The following KLKB1 variants were observed in gnomAD, a reference collection of about 807,000 sequenced individuals.
KLKB1 encodes the protein plasma kallikrein.
KLKB1 carries 58 observed loss-of-function variants against 73.6 expected under a neutral mutation model. The ratio of observed to expected loss-of-function variants is 0.79; its 90% CI spans 0.64 to 0.98. KLKB1 has a LOEUF of 0.98. Among genes scored for constraint, KLKB1 ranks in the 50% least tolerant of loss-of-function variants. The probability of loss-of-function intolerance (pLI) is 0.00; values close to 1 mark genes in which losing one functional copy is unlikely to be tolerated. For synonymous variants in KLKB1, 280 were observed against 258.1 expected (o/e 1.08, Z -0.81); for missense variants, 737 against 763.8 (o/e 0.96, Z 0.41).
chr4:186,251,378 CTT>C lies in KLKB1; in HGVS notation c.868+53_868+54del, dbSNP rs781621455. 332 of 1,511,420 alleles carry C rather than the reference CTT, an allele frequency of 2.2e-4. 1 individual carries two copies. Among genetic ancestry groups the C allele is most frequent in the Non-Finnish European group, 6.1e-5 (66 of 1,086,586 alleles). The allele number at this position is 1,511,420 out of a possible 1,614,324, so 93.6% of individuals were successfully genotyped here. On this transcript the variant is annotated intron_variant, in intron 8 of 14. Coordinates refer to ENST00000264690, the MANE Select transcript of KLKB1 (RefSeq NM_000892.5). ...ACATAAAATGTAACCTATTTCATGA[CTT>C]TTAACAGCAACAGTGATGAAACAAT... is the stretch of plus-strand genomic sequence containing the variant.
At chr4:186,255,940 C>A in intron 12 of KLKB1, 52 bp from the exon 13 acceptor site, 1 of 1,057,172 alleles carries the variant, frequency 9.5e-7, no homozygotes, top group Non-Finnish European at 1.5e-6. Flanking sequence ...TTTTTAAAGT[C>A]TATATCCATA....
Position 186,251,488 on chromosome 4 carries a change from A to T in KLKB1, c.870A>T (p.Glu290Asp). The T allele has an allele frequency of 1.2e-6, 2 of 1,613,588 alleles. No individual in the cohort carries two copies. Among genetic ancestry groups the T allele is most frequent in the South Asian group, 1.1e-5 (1 of 91,076 alleles). ...TTTTTGTGTTTATAATTGACACAGA[A>T]CCCTGCCATTCTAAAATTTACCCGG... ...SLLTCKRTLP[E>D]PCHSKIYPGV... Residue 290 changes from glutamate (E) to aspartate (D), a missense_variant and splice_region_variant, in exon 9 of 15, where the codon GAA becomes GAT. By Grantham distance (45) the Glu-to-Asp change is conservative. Coordinates refer to ENST00000264690, the MANE Select transcript of KLKB1 (RefSeq NM_000892.5).
At chr4:186,235,843 C>T (rs1225325312) in intron 4 of KLKB1, among the ~76,000 whole-genome samples, 6 of 151,826 alleles carry the variant, frequency 4.0e-5, no homozygotes, top group African/African-American at 9.7e-5. Context: ...AGGCCGGGCG[C>T]GGTGGCTCAC....
At chr4:186,235,943 G>A (rs1292522278) in intron 4 of KLKB1, among the ~76,000 whole-genome samples, 2 of 151,830 alleles carry the variant, frequency 1.3e-5, no homozygotes, top group South Asian at 2.1e-4. Flanking sequence ...GTGAAACCCC[G>A]TCTCTACTAA....
intron 6 of KLKB1, 120 bp from the exon 7 acceptor site, chr4:186,250,123 A>G (rs761843988): frequency 4.4e-5 from 46 of 1,037,762 alleles, no homozygotes; most frequent in Non-Finnish European, 6.6e-5. Context: ...TTTTTCACTT[A>G]GGATGTTTAG....
intron 6 of KLKB1, among the ~76,000 whole-genome samples, chr4:186,241,577 A>C (rs2126648825): frequency 6.6e-6 from 1 of 152,380 alleles, no homozygotes; most frequent in African/African-American, 2.4e-5. Context: ...TAATTTAACA[A>C]AACCATTTGC....
intron 6 of KLKB1, among the ~76,000 whole-genome samples, chr4:186,241,623 T>C (rs1464726893): frequency 6.6e-6 from 1 of 152,182 alleles, no homozygotes. Context: ...ATGTGACTTA[T>C]TAATTTATCA....
chr4:186,232,379 C>T lies in KLKB1; in HGVS notation c.221+90C>T. The T allele has an allele frequency of 2.4e-6, 3 of 1,230,302 alleles. 1 individual carries two copies. The Middle Eastern group carries it at 5.9e-4, about 240-fold the overall frequency. The allele number at this position is 1,230,302 out of a possible 1,614,324, so 76.2% of individuals were successfully genotyped here. On this transcript the variant is annotated intron_variant, in intron 3 of 14. Coordinates refer to ENST00000264690, the MANE Select transcript of KLKB1 (RefSeq NM_000892.5). ...AGGTGTAGTATAACTGAGAGTTCTT[C>T]CTCACACGGGGTTCAAGGACCAGCT... is the stretch of plus-strand genomic sequence containing the variant.
rs747716379 is a variant in KLKB1, at chr4:186,251,799, C to A, written c.1082C>A (p.Ala361Glu). 4 of 1,613,960 alleles carry A rather than the reference C, an allele frequency of 2.5e-6. No individual in the cohort carries two copies. In the Admixed American group the frequency reaches 6.7e-5, roughly 27 times the overall value. Residue 361 changes from alanine to glutamate, a missense_variant, in exon 10 of 15, where the codon GCG (alanine) becomes GAG (glutamate). By Grantham distance (107) the Ala-to-Glu change is moderately radical (BLOSUM62 -1). Transcript: ENST00000264690. ...ATGGATGGTTCTCCAACTAGGATTG[C>A]GTATGGGACACAAGGGAGCTCTGGT... ...LSMDGSPTRI[A>E]YGTQGSSGYS...
At chr4:186,256,801 G>C (rs1739013962) in intron 13 of KLKB1, among the ~76,000 whole-genome samples, 1 of 152,118 alleles carries the variant, frequency 6.6e-6, no homozygotes, top group Non-Finnish European at 1.5e-5. Context: ...GAACTTCCAG[G>C]CTTTGGATTG....
chr4:186,256,989 CTCTCTCTCTCTG>C (rs1739030020), intron 13 of KLKB1, among the ~76,000 whole-genome samples: 1 of 124,444 alleles, frequency 8.0e-6, no homozygotes, highest in Non-Finnish European at 1.6e-5. Flanking sequence ...CTCTCTCTGT[CTCTCTCTCTCTG>C]TGTGTGTGTG....
At chr4:186,221,027 A>G (rs1737021602) in intron 2 of KLKB1, among the ~76,000 whole-genome samples, 1 of 152,068 alleles carries the variant, frequency 6.6e-6, no homozygotes, top group African/African-American at 2.4e-5. Flanking sequence ...TTCCTGATTC[A>G]GTCTTGGTAG....
rs1554080064 is a variant in KLKB1 at position 186,257,777 on chromosome 4, G to GTGTC, written c.1726-241_1726-238dup. 1.7e-3 allele frequency among the ~76,000 whole-genome samples: 245 copies of GTGTC among 148,268 alleles called. 1 individual carries two copies. The highest frequency in any genetic ancestry group is 5.7e-3 in the African/African-American group (232 of 40,650). On this transcript the variant is annotated intron_variant, in intron 14 of 14. Transcript: ENST00000264690. ...TGTGTGTGTGTGTGTGTGTGTGTGT[G>GTGTC]TGTCTGGCAAGCAAGGTCTTGCACA...
At chr4:186,216,396 C>T (rs1200258676) in intron 2 of KLKB1, among the ~76,000 whole-genome samples, 5 of 152,084 alleles carry the variant, frequency 3.3e-5, no homozygotes, top group African/African-American at 7.2e-5. Flanking sequence ...AAGGAGGTAA[C>T]AGAATGGCAG....
In KLKB1 at chr4:186,232,170, G is replaced by A. The variant is rs1208980992; in HGVS notation, c.102G>A (p.Gly34=). ...QLYENAFFRG[G]DVASMYTPNA... ...ATGAAAACGCCTTCTTCAGAGGTGG[G>A]GATGTAGCTTCCATGTACACCCCAA... Residue 34 remains glycine (G), a synonymous_variant, in exon 3 of 15, where the codon GGG becomes GGA. Coordinates refer to ENST00000264690, the MANE Select transcript of KLKB1 (RefSeq NM_000892.5). The A allele has an allele frequency of 6.2e-7, 1 of 1,613,928 alleles. No individual in the cohort carries two copies. Among genetic ancestry groups the A allele is most frequent in the Non-Finnish European group, 8.5e-7 (1 of 1,179,852 alleles).
rs556420795 is a variant in KLKB1, at chr4:186,248,175, G to A, written c.599-2068G>A. 4.1e-3 allele frequency among the ~76,000 whole-genome samples: 624 copies of A among 152,110 alleles called. 5 individuals carry two copies. Among genetic ancestry groups the A allele is most frequent in the Non-Finnish European group, 7.5e-3 (511 of 68,016 alleles). Reference sequence around the variant, plus strand: ...AGGCAGGAGAATGGCCTGAACCCAGGAAGCGGAGCTTGCAGTGAGCCAAGA... The same window carrying A: ...AGGCAGGAGAATGGCCTGAACCCAGAAAGCGGAGCTTGCAGTGAGCCAAGA... On this transcript the variant is annotated intron_variant, in intron 6 of 14. Transcript: ENST00000264690.
At chr4:186,248,077 C>T (rs1412905436) in intron 6 of KLKB1, among the ~76,000 whole-genome samples, 2 of 152,054 alleles carry the variant, frequency 1.3e-5, no homozygotes. Context: ...GAAGCCCTAT[C>T]TGTACTAAAG....
chr4:186,235,944 T>C (rs1737646555), intron 4 of KLKB1, among the ~76,000 whole-genome samples: 1 of 151,478 alleles, frequency 6.6e-6, no homozygotes, highest in African/African-American at 2.4e-5. Flanking sequence ...TGAAACCCCG[T>C]CTCTACTAAA....
At chr4:186,254,394 G>A (rs1738868533) in intron 11 of KLKB1, among the ~76,000 whole-genome samples, 194 bp from the exon 12 acceptor site, 1 of 152,152 alleles carries the variant, frequency 6.6e-6, no homozygotes, top group East Asian at 1.9e-4. Context: ...TTTTCAATTT[G>A]TTAAATAGAA....
Sources: gnomAD v4.1 joint callset for allele counts (sites outside exome capture counted in the v4.1 genomes callset) on GRCh38, gnomAD v4.1.1 for gene constraint, MANE v1.5 for transcripts, NCBI Gene and HGNC (gene_info 2026-07-23, HGNC 2026-07-21) for gene names.